Variants in PYY observed in about 807,000 individuals in gnomAD.
PYY encodes the protein peptide YY, also known as peptide tyrosine tyrosine.
A neutral mutation model predicts 10.3 loss-of-function variants in PYY; 12 were observed. The observed-to-expected ratio is 1.17, with a 90% confidence interval of 0.75 to 1.89. PYY has a LOEUF of 1.89. Among genes scored for constraint, PYY ranks in the 40% most tolerant of loss-of-function variants. PYY has a pLI of 0.00. For missense variants in PYY, 141 were observed against 134.0 expected, an observed-to-expected ratio of 1.05 and a Z score of -0.26; for synonymous variants, 66 against 62.0, an observed-to-expected ratio of 1.06 and a Z score of -0.30.
chr17:43,998,739 T>C (rs1001510296), intron 1 of PYY, among the ~76,000 whole-genome samples: 7 of 152,040 alleles, frequency 4.6e-5, no homozygotes, highest in Non-Finnish European at 5.9e-5. Context: ...CAGCTGATCA[T>C]AGATTTTTGG....
chr17:43,994,709 G>C (rs1157516968), intron 1 of PYY, among the ~76,000 whole-genome samples: 1 of 152,082 alleles, frequency 6.6e-6, no homozygotes, highest in Non-Finnish European at 1.5e-5. Flanking sequence ...AAAACCTCCT[G>C]CTCCTCTCAA....
Position 43,953,141 on chromosome 17 carries a change from G to C in PYY, c.237C>G (p.Phe79Leu). ...TGACGGGGCGGTCCTCGCCGTCGGG[G>C]AAGAACGTTTTGGAAAGAAGCGTGT... Reference protein sequence around the residue: ...GPDTLLSKTFFPDGEDRPVRS... With the variant: ...GPDTLLSKTFLPDGEDRPVRS... The change falls in exon 3 of 4, where the codon TTC becomes TTG. Residue 79 changes from phenylalanine to leucine, a missense_variant. Phe to Leu is a conservative substitution (Grantham distance 22, BLOSUM62 0). Coordinates refer to ENST00000692052, the MANE Select transcript of PYY (RefSeq NM_001394028.1). 6.2e-7 allele frequency: 1 copy of C among 1,614,026 alleles called. No homozygotes were observed. Among genetic ancestry groups the C allele is most frequent in the South Asian group, 1.1e-5 (1 of 91,082 alleles).
intron 1 of PYY, among the ~76,000 whole-genome samples, chr17:43,975,277 C>T (rs1384452978): frequency 1.3e-5 from 2 of 152,070 alleles, no homozygotes; most frequent in Non-Finnish European, 2.9e-5. Flanking sequence ...GTATGGATTC[C>T]GGAGTCAGAT....
At chr17:43,980,352 TGGGG>T (rs966411075) in intron 1 of PYY, among the ~76,000 whole-genome samples, 15 of 151,722 alleles carry the variant, frequency 9.9e-5, no homozygotes, top group African/African-American at 3.4e-4. Context: ...TTAGTAGAGA[TGGGG>T]TTTCACCATG....
intron 1 of PYY, among the ~76,000 whole-genome samples, chr17:43,977,336 G>C (rs1017296001): frequency 2.6e-5 from 4 of 152,138 alleles, no homozygotes; most frequent in Non-Finnish European, 5.9e-5. Flanking sequence ...AGCAGAGAGA[G>C]AAGAAAACAA....
At chr17:43,974,142 A>G (rs1035274941) in intron 1 of PYY, among the ~76,000 whole-genome samples, 1 of 152,006 alleles carries the variant, frequency 6.6e-6, no homozygotes, top group Non-Finnish European at 1.5e-5. Context: ...TCATTTGCTT[A>G]TTATATCTAC....
chr17:43,997,272 C>T (rs989033807), intron 1 of PYY, among the ~76,000 whole-genome samples: 1 of 152,088 alleles, frequency 6.6e-6, no homozygotes, highest in Admixed American at 6.6e-5. Context: ...AACTCCTGAC[C>T]TTGTGATCCA....
intron 1 of PYY, among the ~76,000 whole-genome samples, chr17:43,983,705 C>T (rs932086077): frequency 1.3e-5 from 2 of 152,234 alleles, no homozygotes; most frequent in Non-Finnish European, 2.9e-5. Flanking sequence ...GTCTTAGGCG[C>T]ACATTGGCTC....
intron 1 of PYY, among the ~76,000 whole-genome samples, chr17:43,978,866 A>G (rs1165765921): frequency 6.6e-6 from 1 of 152,214 alleles, no homozygotes; most frequent in African/African-American, 2.4e-5. Context: ...CATACTCTGC[A>G]TCAGAAGGGC....
Position 43,952,750 on chromosome 17 carries a change from T to G in PYY, c.*206A>C. 1 of 492,406 alleles carries G rather than the reference T, an allele frequency of 2.0e-6. No individual in the cohort carries two copies. Among genetic ancestry groups the G allele is most frequent in the Non-Finnish European group, 3.5e-6 (1 of 283,782 alleles). The allele number at this position is 492,406 out of a possible 1,614,324, so 30.5% of individuals were successfully genotyped here. A position where few individuals can be genotyped will look rare whatever the true frequency, so the allele number is the denominator to read the frequency against. ...GGCATACATTCCGTTTCTGTGGAAT[T>G]TGCTCTTTATTTTGGGACCAGGGAA... is the stretch of plus-strand genomic sequence containing the variant. On this transcript the variant is annotated 3_prime_UTR_variant, in exon 4 of 4. Transcript: ENST00000692052.
intron 1 of PYY, among the ~76,000 whole-genome samples, chr17:43,998,092 C>A (rs2049002897): frequency 6.6e-6 from 1 of 152,088 alleles, no homozygotes; most frequent in Admixed American, 6.5e-5. Context: ...ATGCCCACCA[C>A]CACATCTGGC....
intron 1 of PYY, among the ~76,000 whole-genome samples, chr17:43,969,755 T>TA (rs2048777481): frequency 6.6e-6 from 1 of 150,522 alleles, no homozygotes; most frequent in Non-Finnish European, 1.5e-5. Flanking sequence ...AAAACTTTTT[T>TA]TTTTTTGAGA....
At chr17:43,970,520 G>C (rs2048785008) in intron 1 of PYY, among the ~76,000 whole-genome samples, 2 of 150,522 alleles carry the variant, frequency 1.3e-5, no homozygotes, top group Admixed American at 1.3e-4. Context: ...AAAAAAAAAA[G>C]ACAGTGAGTG....
intron 1 of PYY, among the ~76,000 whole-genome samples, chr17:43,991,248 G>A (rs1254882757): frequency 6.6e-6 from 1 of 151,828 alleles, no homozygotes; most frequent in African/African-American, 2.4e-5. Flanking sequence ...TGGCCAACAT[G>A]GTGAAACCCT....
chr17:43,967,927 G>A (rs1222953396), intron 1 of PYY, among the ~76,000 whole-genome samples: 1 of 152,176 alleles, frequency 6.6e-6, no homozygotes, highest in Admixed American at 6.5e-5. Flanking sequence ...GCCTCGAGGA[G>A]TGGAAAGGGA....
At chr17:43,993,445 C>T (rs960775920) in intron 1 of PYY, among the ~76,000 whole-genome samples, 3 of 148,316 alleles carry the variant, frequency 2.0e-5, no homozygotes, top group East Asian at 2.0e-4. Context: ...GGAGACAGAG[C>T]GCAACTCCAT....
At chr17:43,995,880 G>A (rs113650384) in intron 1 of PYY, among the ~76,000 whole-genome samples, 4 of 145,094 alleles carry the variant, frequency 2.8e-5, no homozygotes, top group Middle Eastern at 4.3e-3. Flanking sequence ...TGCAGGCGGC[G>A]ACAGTGGCTC....
At chr17:43,960,077 T>C (rs1362895777) in intron 2 of PYY, among the ~76,000 whole-genome samples, 3 of 152,216 alleles carry the variant, frequency 2.0e-5, no homozygotes, top group East Asian at 3.9e-4. Context: ...AAGATATTCA[T>C]GCACCCCCCC....
chr17:43,993,607 C>T (rs1406794695), intron 1 of PYY, among the ~76,000 whole-genome samples: 1 of 150,748 alleles, frequency 6.6e-6, no homozygotes, highest in Non-Finnish European at 1.5e-5. Context: ...GCCTGGGCAA[C>T]AGAGTGAGAC....
Sources: allele counts gnomAD v4.1 joint callset (sites outside exome capture counted in the v4.1 genomes callset), GRCh38; gene constraint gnomAD v4.1.1; transcripts MANE v1.5; gene names NCBI Gene and HGNC (gene_info 2026-07-23, HGNC 2026-07-21).